SIMC1: variants seen among roughly 807,000 people sequenced by gnomAD.
SIMC1 encodes the protein SUMO interacting motifs containing 1, also known as SUMO-interacting motif-containing protein 1.
In SIMC1, 55 loss-of-function variants were observed where a neutral mutation model predicts 82.3. The observed-to-expected ratio is 0.67, with a 90% CI of 0.54 to 0.84. The LOEUF (loss-of-function observed/expected upper bound fraction) is 0.84, where lower values mean the gene tolerates loss of function less well. Ranked by LOEUF, SIMC1 falls within the 40% of genes least tolerant of loss-of-function variation. The probability of loss-of-function intolerance (pLI) is 0.00; values close to 1 mark genes in which losing one functional copy is unlikely to be tolerated. For missense variants in SIMC1, 915 were observed against 1,107.2 expected (o/e 0.83, Z 2.46); for synonymous variants, 353 against 426.3 (o/e 0.83, Z 2.12).
At chr5:176,333,903 A>AT (rs1177376957) in intron 7 of SIMC1, among the ~76,000 whole-genome samples, 3 of 146,122 alleles carry the variant, frequency 2.1e-5, no homozygotes, top group South Asian at 4.3e-4. Context: ...TTTAAAATCC[A>AT]TTTTTTTAAT....
Position 176,289,840 on chromosome 5 carries a change from A to G in SIMC1, c.316A>G (p.Lys106Glu), listed in dbSNP as rs778231172. 13 of 1,613,992 alleles carry G rather than the reference A, an allele frequency of 8.1e-6. No homozygotes were observed. The South Asian group carries it at 1.4e-4, about 18-fold the overall frequency. ...TCAGACATGTGCCAGCCTCTCTGGC[A>G]AAGCGGTGATGGAAGGGCACGTGGA... Reference protein sequence around the residue: ...SLQTCASLSGKAVMEGHVDRS... With the variant: ...SLQTCASLSGEAVMEGHVDRS... The change falls in exon 2 of 10, where the codon AAA becomes GAA. Residue 106 changes from lysine to glutamate, a missense_variant. Lys to Glu is a moderately conservative substitution (Grantham distance 56). Coordinates refer to ENST00000429602, the MANE Select transcript of SIMC1 (RefSeq NM_001308195.2).
At chr5:176,316,114 G>T (rs935155604) in intron 5 of SIMC1, among the ~76,000 whole-genome samples, 3 of 152,058 alleles carry the variant, frequency 2.0e-5, no homozygotes, top group Non-Finnish European at 4.4e-5. Flanking sequence ...GGCAGAGGTT[G>T]CAGTAAGCCG....
In SIMC1 at chr5:176,289,639, A is replaced by G. The variant is rs770602524; in HGVS notation, c.130-15A>G. 4 of 1,559,734 alleles carry G rather than the reference A, an allele frequency of 2.6e-6. No homozygotes were observed. The African/African-American group carries it at 4.1e-5, about 16-fold the overall frequency. On this transcript the variant is annotated splice_polypyrimidine_tract_variant and intron_variant, in intron 1 of 9. Coordinates refer to ENST00000429602, the MANE Select transcript of SIMC1 (RefSeq NM_001308195.2). ...TCCCATCTTGACCTCTTTTCTTCACACAATCCTTCAACAGGACTTCATTGA... is the reference window on the plus strand; with the variant it reads ...TCCCATCTTGACCTCTTTTCTTCACGCAATCCTTCAACAGGACTTCATTGA...
chr5:176,304,873 C>T (rs1452625089), intron 4 of SIMC1, among the ~76,000 whole-genome samples: 32 of 149,496 alleles, frequency 2.1e-4, no homozygotes, highest in Non-Finnish European at 4.0e-4. Context: ...CTCTGCCTGG[C>T]CGAGACCCCG....
At chr5:176,309,232 C>T (rs1764554710) in intron 4 of SIMC1, among the ~76,000 whole-genome samples, 1 of 152,142 alleles carries the variant, frequency 6.6e-6, no homozygotes, top group Admixed American at 6.5e-5. Flanking sequence ...TAAATATGCT[C>T]AACTGATTTT....
intron 4 of SIMC1, among the ~76,000 whole-genome samples, chr5:176,310,066 C>G (rs1455817347): frequency 6.6e-6 from 1 of 152,156 alleles, no homozygotes; most frequent in Non-Finnish European, 1.5e-5. Flanking sequence ...CTGTTAAACT[C>G]CATAAGTCAT....
intron 1 of SIMC1, among the ~76,000 whole-genome samples, chr5:176,242,618 A>G (rs1006321662): frequency 6.6e-6 from 1 of 152,072 alleles, no homozygotes; most frequent in African/African-American, 2.4e-5. Flanking sequence ...GGACCCATGC[A>G]GTTCAAACCT....
chr5:176,296,466 C>T, intron 4 of SIMC1, 146 bp downstream of exon 4: 2 of 1,237,582 alleles, frequency 1.6e-6, no homozygotes, highest in East Asian at 2.5e-5. Context: ...GAGTTCAAGG[C>T]CAGCCTGGGC....
chr5:176,252,591 G>A (rs1294369739), intron 1 of SIMC1, among the ~76,000 whole-genome samples: 2 of 151,408 alleles, frequency 1.3e-5, no homozygotes, highest in African/African-American at 2.4e-5. Flanking sequence ...TGGCAGCCGG[G>A]AAGAGGCGCT....
At chr5:176,282,281 G>A (rs1025981266) in intron 1 of SIMC1, among the ~76,000 whole-genome samples, 3 of 152,220 alleles carry the variant, frequency 2.0e-5, no homozygotes, top group African/African-American at 4.8e-5. Context: ...TAAGCCCGTC[G>A]GAAAAGCGCA....
chr5:176,251,673 A>G (rs1438716558), intron 1 of SIMC1, among the ~76,000 whole-genome samples: 2 of 151,598 alleles, frequency 1.3e-5, no homozygotes, highest in East Asian at 3.9e-4. Flanking sequence ...AGGGAAGGTC[A>G]GCAGATAAAC....
chr5:176,262,903 G>GA (rs1762066632), intron 1 of SIMC1, among the ~76,000 whole-genome samples: 1 of 151,346 alleles, frequency 6.6e-6, no homozygotes, highest in Non-Finnish European at 1.5e-5. Context: ...AAAGAATCTA[G>GA]AAAAAAACCT....
chr5:176,243,175 T>C (rs1581210129), intron 1 of SIMC1, among the ~76,000 whole-genome samples: 1 of 151,990 alleles, frequency 6.6e-6, no homozygotes, highest in African/African-American at 2.4e-5. Flanking sequence ...TTTGGTGGGA[T>C]TGGGAACATT....
intron 1 of SIMC1, among the ~76,000 whole-genome samples, chr5:176,283,459 C>G (rs1171063446): frequency 2.6e-5 from 4 of 152,152 alleles, no homozygotes; most frequent in Non-Finnish European, 5.9e-5. Flanking sequence ...AAATCCTTTA[C>G]AGAGAAGCAA....
chr5:176,336,639 G>A (rs867874942), intron 7 of SIMC1, 81 bp from the exon 8 acceptor site: 29 of 1,537,248 alleles, frequency 1.9e-5, no homozygotes, highest in Non-Finnish European at 2.5e-5. Context: ...GACAAATGTT[G>A]TACATTCAGG....
intron 4 of SIMC1, among the ~76,000 whole-genome samples, chr5:176,299,363 A>C (rs2113293132): frequency 6.6e-6 from 1 of 152,058 alleles, no homozygotes; most frequent in East Asian, 1.9e-4. Flanking sequence ...ACTGCACTCC[A>C]GTTGGGTGAC....
chr5:176,250,970 A>C lies in SIMC1; in HGVS notation c.129+12333A>C, dbSNP rs11955544. 3.0e-3 allele frequency among the ~76,000 whole-genome samples: 458 copies of C among 152,298 alleles called. 2 individuals carry two copies. Among genetic ancestry groups the C allele is most frequent in the Middle Eastern group, 0.01 (3 of 294 alleles). ...ATTTAGCCCGTTTACATTTAAGATT[A>C]ATATTATGTGTGAATTTGATCTTGT... On this transcript the variant is annotated intron_variant, in intron 1 of 9. Coordinates refer to ENST00000429602, the MANE Select transcript of SIMC1 (RefSeq NM_001308195.2).
intron 1 of SIMC1, among the ~76,000 whole-genome samples, chr5:176,265,488 T>G (rs1762170571): frequency 6.6e-6 from 1 of 152,214 alleles, no homozygotes. Flanking sequence ...ACACTTCCAA[T>G]TTCTTAAATC....
chr5:176,317,107 A>C (rs1343914880), intron 5 of SIMC1, among the ~76,000 whole-genome samples: 1 of 152,228 alleles, frequency 6.6e-6, no homozygotes, highest in African/African-American at 2.4e-5. Context: ...TTGGCAGGAA[A>C]ATGAGCTATC....
Sources: gnomAD v4.1 joint callset for allele counts (sites outside exome capture counted in the v4.1 genomes callset) on GRCh38, gnomAD v4.1.1 for gene constraint, MANE v1.5 for transcripts, NCBI Gene and HGNC (gene_info 2026-07-23, HGNC 2026-07-21) for gene names.